Variants in FRAS1 observed in about 807,000 individuals in gnomAD.
FRAS1 encodes the protein extracellular matrix organizing protein FRAS1.
A neutral mutation model predicts 435.2 loss-of-function variants in FRAS1; 290 were observed. The observed-to-expected ratio is 0.67, with a 90% confidence interval of 0.61 to 0.73. The LOEUF (loss-of-function observed/expected upper bound fraction) is 0.73, where lower values mean the gene tolerates loss of function less well. Among genes scored for constraint, FRAS1 ranks in the 30% least tolerant of loss-of-function variants. The pLI, the probability that FRAS1 is intolerant of heterozygous loss-of-function variation, is 0.00. For synonymous variants in FRAS1, 1,800 were observed against 1,851.0 expected, an observed-to-expected ratio of 0.97 and a Z score of 0.71; for missense variants, 4,860 against 5,001.5, an observed-to-expected ratio of 0.97 and a Z score of 0.85.
chr4:78,162,075 G>A (rs1277511443), intron 2 of FRAS1, among the ~76,000 whole-genome samples: 4 of 152,022 alleles, frequency 2.6e-5, no homozygotes, highest in Non-Finnish European at 5.9e-5. Flanking sequence ...ATAAAATTGT[G>A]GCCAAATGTT....
rs148589755 is a variant in FRAS1, at chr4:78,099,153, G to A, written c.108+33137G>A. 2.1e-3 allele frequency among the ~76,000 whole-genome samples: 318 copies of A among 152,312 alleles called. 1 individual carries two copies. Among genetic ancestry groups the A allele is most frequent in the African/African-American group, 7.2e-3 (299 of 41,570 alleles). Reference sequence around the variant, plus strand: ...CTCAGCTTTAGAGAGGAGAGGGGGGGCCATGGGGTGATCGAGGAAGAGCTG... The same window carrying A: ...CTCAGCTTTAGAGAGGAGAGGGGGGACCATGGGGTGATCGAGGAAGAGCTG... On this transcript the variant is annotated intron_variant, in intron 2 of 73. Coordinates refer to ENST00000512123, the MANE Select transcript of FRAS1 (RefSeq NM_025074.7).
intron 2 of FRAS1, among the ~76,000 whole-genome samples, chr4:78,110,360 G>T (rs1165707900): frequency 7.8e-6 from 1 of 128,314 alleles, no homozygotes; most frequent in Non-Finnish European, 1.6e-5. Flanking sequence ...ATAATACAAG[G>T]CTACAGTAAC....
chr4:78,338,453 G>A (rs1324931786), intron 20 of FRAS1, among the ~76,000 whole-genome samples: 1 of 152,180 alleles, frequency 6.6e-6, no homozygotes, highest in East Asian at 1.9e-4. Flanking sequence ...AACGATGAAG[G>A]AGACAATGAC....
chr4:78,354,030 A>AT (rs1160468563), intron 20 of FRAS1, among the ~76,000 whole-genome samples: 1 of 6,962 alleles, frequency 1.4e-4, no homozygotes, highest in East Asian at 1.2e-3. Context: ...AAATAAAAAA[A>AT]AAAAAAAAAA....
chr4:78,173,814 T>C (rs997219304), intron 2 of FRAS1, among the ~76,000 whole-genome samples: 2 of 152,226 alleles, frequency 1.3e-5, no homozygotes, highest in Non-Finnish European at 2.9e-5. Context: ...GAGAAAGTGC[T>C]CCTCATTTAA....
chr4:78,445,970 G>A, intron 42 of FRAS1: 1 of 1,282,044 alleles, frequency 7.8e-7, no homozygotes, highest in Non-Finnish European at 9.8e-7. Context: ...GTGAAGGTCA[G>A]AGATGCTTTG....
chr4:78,147,259 A>C (rs1720457207), intron 2 of FRAS1, among the ~76,000 whole-genome samples: 1 of 152,162 alleles, frequency 6.6e-6, no homozygotes, highest in African/African-American at 2.4e-5. Flanking sequence ...TCAGATTCCC[A>C]CTTCAAAGAA....
Position 78,108,683 on chromosome 4 carries a change from A to G in FRAS1, c.108+42667A>G, listed in dbSNP as rs868043863. Among the ~76,000 whole-genome samples, 40 of 67,932 alleles carry G rather than the reference A, an allele frequency of 5.9e-4. 3 individuals carry two copies. Among genetic ancestry groups the G allele is most frequent in the African/African-American group, 2.5e-3 (36 of 14,462 alleles). 44.6% of individuals were successfully genotyped at this position (67,932 alleles called of 152,430 possible). ...AAATTGACACCCTAACATCACAATTAAAAGAACTAGAAAAGCAAGAGCAAA... is the reference window on the plus strand; with the variant it reads ...AAATTGACACCCTAACATCACAATTGAAAGAACTAGAAAAGCAAGAGCAAA... On this transcript the variant is annotated intron_variant, in intron 2 of 73. Coordinates refer to ENST00000512123, the MANE Select transcript of FRAS1 (RefSeq NM_025074.7).
At chr4:78,074,980 G>A (rs979691069) in intron 2 of FRAS1, among the ~76,000 whole-genome samples, 4 of 152,168 alleles carry the variant, frequency 2.6e-5, no homozygotes, top group Non-Finnish European at 5.9e-5. Context: ...TTCCCATGCA[G>A]AAGGGCTGAT....
At chr4:78,153,604 A>G (rs763221616) in intron 2 of FRAS1, among the ~76,000 whole-genome samples, 2 of 152,128 alleles carry the variant, frequency 1.3e-5, no homozygotes, top group African/African-American at 4.8e-5. Flanking sequence ...CTGTCTGTAT[A>G]TTTCATAAGG....
Position 78,408,401 on chromosome 4 carries a change from G to C in FRAS1, c.4308+560G>C, listed in dbSNP as rs541249252. On this transcript the variant is annotated intron_variant, in intron 31 of 73. Coordinates refer to ENST00000512123, the MANE Select transcript of FRAS1 (RefSeq NM_025074.7). ...AGATATATGTGTATCTTTACAAGCA[G>C]AGTTATCCACAACCAAGATGTTTAG... Among the ~76,000 whole-genome samples the C allele has an allele frequency of 1.4e-4, 21 of 152,162 alleles. No homozygotes were observed. In the East Asian group the frequency reaches 3.9e-3, roughly 28 times the overall value.
At chr4:78,526,678 C>T (rs1352310130) in intron 70 of FRAS1, 21 bp downstream of exon 70, 3 of 1,406,994 alleles carry the variant, frequency 2.1e-6, no homozygotes, top group Non-Finnish European at 1.9e-6. Context: ...ATAGTCAATC[C>T]TCATTATTTG....
intron 2 of FRAS1, among the ~76,000 whole-genome samples, chr4:78,204,600 T>G (rs1222725352): frequency 6.6e-6 from 1 of 152,220 alleles, no homozygotes; most frequent in Non-Finnish European, 1.5e-5. Context: ...GACTGATTTT[T>G]GGGATCATTA....
At chr4:78,083,626 GTTTTT>G (rs35633131) in intron 2 of FRAS1, among the ~76,000 whole-genome samples, 1 of 108,304 alleles carries the variant, frequency 9.2e-6, no homozygotes, top group African/African-American at 3.6e-5. Flanking sequence ...TGCAAGTTCT[GTTTTT>G]TTTTTTTTTT....
intron 31 of FRAS1, among the ~76,000 whole-genome samples, chr4:78,408,902 T>C (rs1182813268): frequency 4.6e-5 from 7 of 151,970 alleles, no homozygotes; most frequent in Admixed American, 6.6e-5. Context: ...GGCAGGCAGA[T>C]TGCGTCAGTC....
intron 6 of FRAS1, among the ~76,000 whole-genome samples, chr4:78,258,178 A>C (rs1252184385): frequency 6.6e-6 from 1 of 151,896 alleles, no homozygotes; most frequent in Non-Finnish European, 1.5e-5. Flanking sequence ...CTGTGTCTAC[A>C]AAAAATGCAA....
intron 69 of FRAS1, among the ~76,000 whole-genome samples, chr4:78,525,959 G>A (rs9685861): frequency 0.52 from 79,322 of 152,014 alleles, 20,807 homozygotes; most frequent in South Asian, 0.59. Flanking sequence ...ATGAGGCTAT[G>A]GAGTTTGAAA....
chr4:78,113,907 C>A (rs1188582849), intron 2 of FRAS1, among the ~76,000 whole-genome samples: 1 of 152,148 alleles, frequency 6.6e-6, no homozygotes, highest in Non-Finnish European at 1.5e-5. Flanking sequence ...CTTGCCCATG[C>A]CTATGTCCTG....
chr4:78,323,130 G>A (rs1160377760), intron 18 of FRAS1, among the ~76,000 whole-genome samples: 1 of 152,106 alleles, frequency 6.6e-6, no homozygotes, highest in Non-Finnish European at 1.5e-5. Context: ...AAATGAACTG[G>A]GTGCTTCACA....
Sources: gnomAD v4.1 joint callset for allele counts (sites outside exome capture counted in the v4.1 genomes callset) on GRCh38, gnomAD v4.1.1 for gene constraint, MANE v1.5 for transcripts, NCBI Gene and HGNC (gene_info 2026-07-23, HGNC 2026-07-21) for gene names.